The following DGKI variants were observed in gnomAD, a reference collection of about 807,000 sequenced individuals.
DGKI encodes diacylglycerol kinase iota.
Under a neutral mutation model 147.5 loss-of-function variants are expected in DGKI, and 55 were observed. That is an observed-to-expected ratio of 0.37 (90% CI 0.30 to 0.47). DGKI has a LOEUF of 0.47. DGKI is among the 20% of genes least tolerant of loss of function. DGKI has a pLI of 1.00. For synonymous variants in DGKI, 469 were observed against 477.1 expected (o/e 0.98, Z 0.22); for missense variants, 1,007 against 1,323.8 (o/e 0.76, Z 3.71).
chr7:137,498,971 A>G (rs1816071994), intron 21 of DGKI, among the ~76,000 whole-genome samples: 1 of 152,108 alleles, frequency 6.6e-6, no homozygotes, highest in Non-Finnish European at 1.5e-5. Flanking sequence ...TTGCCCACTA[A>G]GTTCTCTTAG....
In DGKI at chr7:137,403,186, C is replaced by T. The variant is rs553739470; in HGVS notation, c.2920+4689G>A. ...CTGCATCCTTAGTCTCTCTCCCAGT[C>T]TCTGTGGAATTATTAACTCTTCCTC... is the stretch of plus-strand genomic sequence containing the variant. On this transcript the variant is annotated intron_variant, in intron 30 of 32. Coordinates refer to ENST00000614521, the MANE Select transcript of DGKI (RefSeq NM_001321708.2). 5.6e-4 allele frequency among the ~76,000 whole-genome samples: 86 copies of T among 152,262 alleles called. No homozygotes were observed. In the South Asian group the frequency reaches 0.013, roughly 22 times the overall value.
At chr7:137,567,833 C>T (rs370855971) in intron 19 of DGKI, among the ~76,000 whole-genome samples, 9 of 151,908 alleles carry the variant, frequency 5.9e-5, no homozygotes, top group Admixed American at 2.6e-4. Context: ...AAGTCCATTT[C>T]GAATTATTGA....
At chr7:137,519,067 A>G (rs2128951356) in intron 21 of DGKI, among the ~76,000 whole-genome samples, 1 of 152,208 alleles carries the variant, frequency 6.6e-6, no homozygotes, top group Non-Finnish European at 1.5e-5. Context: ...TTAGTGTCTT[A>G]CATAAGTCTG....
At chr7:137,666,243 T>C (rs1463224292) in intron 3 of DGKI, among the ~76,000 whole-genome samples, 1 of 152,212 alleles carries the variant, frequency 6.6e-6, no homozygotes, top group African/African-American at 2.4e-5. Context: ...GCACAAAGTT[T>C]CTCTGATAGG....
At chr7:137,535,995 G>C (rs560060531) in intron 20 of DGKI, among the ~76,000 whole-genome samples, 1 of 152,076 alleles carries the variant, frequency 6.6e-6, no homozygotes, top group Admixed American at 6.6e-5. Context: ...AACAACACTT[G>C]AACTATAAAC....
chr7:137,667,651 G>A (rs1563140982), intron 3 of DGKI, among the ~76,000 whole-genome samples: 1 of 151,046 alleles, frequency 6.6e-6, no homozygotes, highest in African/African-American at 2.5e-5. Context: ...CTTTGATATG[G>A]AATACTGTAT....
At chr7:137,806,047 T>C (rs1797354357) in intron 1 of DGKI, among the ~76,000 whole-genome samples, 1 of 152,236 alleles carries the variant, frequency 6.6e-6, no homozygotes, top group African/African-American at 2.4e-5. Context: ...TCATTCATTA[T>C]GAAACACTTG....
At chr7:137,519,669 G>A (rs182105728) in intron 21 of DGKI, among the ~76,000 whole-genome samples, 6 of 151,952 alleles carry the variant, frequency 3.9e-5, no homozygotes, top group Non-Finnish European at 8.8e-5. Context: ...TACTCAGTTT[G>A]AGCCCTGTCA....
At chr7:137,569,953 G>A (rs1406680171) in intron 19 of DGKI, among the ~76,000 whole-genome samples, 1 of 151,870 alleles carries the variant, frequency 6.6e-6, no homozygotes, top group Non-Finnish European at 1.5e-5. Context: ...TTCTAGAGAT[G>A]AGTTAACAAG....
At chr7:137,404,925 T>C (rs1001807658) in intron 30 of DGKI, among the ~76,000 whole-genome samples, 2 of 152,172 alleles carry the variant, frequency 1.3e-5, no homozygotes, top group African/African-American at 4.8e-5. Context: ...ATGTGCCAGA[T>C]GAATTGATGC....
At chr7:137,695,098 T>C (rs1204440477) in intron 1 of DGKI, among the ~76,000 whole-genome samples, 3 of 152,256 alleles carry the variant, frequency 2.0e-5, no homozygotes, top group South Asian at 2.1e-4. Flanking sequence ...ACTATTATTC[T>C]ACGTTTGTTA....
chr7:137,438,822 A>G (rs897190259), intron 28 of DGKI, among the ~76,000 whole-genome samples: 1 of 151,506 alleles, frequency 6.6e-6, no homozygotes, highest in Non-Finnish European at 1.5e-5. Flanking sequence ...CTTTTGAACA[A>G]AAGAAACAAA....
intron 20 of DGKI, among the ~76,000 whole-genome samples, chr7:137,527,801 G>A (rs1483530759): frequency 6.6e-6 from 1 of 151,228 alleles, no homozygotes; most frequent in East Asian, 2.0e-4. Flanking sequence ...ATAATGAATT[G>A]CCTTAACTTC....
Position 137,656,030 on chromosome 7 carries a change from C to T in DGKI, c.681+436G>A, listed in dbSNP as rs148793767. On this transcript the variant is annotated intron_variant, in intron 4 of 32. Transcript: ENST00000614521. ...CAGCAGAGTGAGAGCCGGCTTCCAG[C>T]GTGGCTCGCTCCCTTGCAGGCACTT... 2.2e-3 allele frequency among the ~76,000 whole-genome samples: 336 copies of T among 152,336 alleles called. 1 individual carries two copies. Among genetic ancestry groups the T allele is most frequent in the African/African-American group, 7.5e-3 (311 of 41,586 alleles).
intron 20 of DGKI, among the ~76,000 whole-genome samples, chr7:137,550,695 A>C (rs1046867203): frequency 1.3e-5 from 2 of 152,180 alleles, no homozygotes; most frequent in African/African-American, 4.8e-5. Context: ...AAAACTAAAT[A>C]CCTGAAAACC....
chr7:137,522,086 AC>A, intron 20 of DGKI, 120 bp from the exon 21 acceptor site: 1 of 676,480 alleles, frequency 1.5e-6, no homozygotes, highest in Non-Finnish European at 2.4e-6. Context: ...TCACATTCAA[AC>A]CAGAAAGGTG....
chr7:137,634,312 T>C (rs1170685791), intron 6 of DGKI, among the ~76,000 whole-genome samples: 1 of 152,130 alleles, frequency 6.6e-6, no homozygotes, highest in Non-Finnish European at 1.5e-5. Context: ...TGTCACTCCA[T>C]GTGATTAGAA....
chr7:137,409,525 T>A (rs909995506), intron 29 of DGKI, among the ~76,000 whole-genome samples: 29 of 152,130 alleles, frequency 1.9e-4, no homozygotes, highest in Admixed American at 1.9e-3. Flanking sequence ...AGTAGCTGAA[T>A]GGAGGTAAGG....
In DGKI at chr7:137,521,098, A is replaced by G. The variant is rs189117216; in HGVS notation, c.2248+768T>C. ...TGACTATTGGCCCCCACAATTAGGA[A>G]GGAGCCGAGAACCCTAATATCTAAC... On this transcript the variant is annotated intron_variant, in intron 21 of 32. Transcript: ENST00000614521. Among the ~76,000 whole-genome samples the G allele has an allele frequency of 2.1e-3, 317 of 152,150 alleles. 1 individual carries two copies. Among genetic ancestry groups the G allele is most frequent in the African/African-American group, 7.3e-3 (302 of 41,534 alleles).
Sources: gnomAD v4.1 joint callset for allele counts (sites outside exome capture counted in the v4.1 genomes callset) on GRCh38, gnomAD v4.1.1 for gene constraint, MANE v1.5 for transcripts, NCBI Gene and HGNC (gene_info 2026-07-23, HGNC 2026-07-21) for gene names.